The following KAZN variants were observed in gnomAD, a reference collection of about 807,000 sequenced individuals.
The protein encoded by KAZN is kazrin.
In KAZN, 40 loss-of-function variants were observed where a neutral mutation model predicts 87.4. The ratio of observed to expected loss-of-function variants is 0.46; its 90% CI spans 0.36 to 0.60. KAZN has a LOEUF of 0.60. KAZN is among the 20% of genes least tolerant of loss of function. KAZN has a pLI of 0.00. For synonymous variants in KAZN, 466 were observed against 458.3 expected, an observed-to-expected ratio of 1.02 and a Z score of -0.22; for missense variants, 898 against 1,073.9, an observed-to-expected ratio of 0.84 and a Z score of 2.29.
chr1:14,032,344 G>T (rs993222381), intron 1 of KAZN, among the ~76,000 whole-genome samples: 4 of 152,184 alleles, frequency 2.6e-5, no homozygotes, highest in African/African-American at 9.7e-5. Flanking sequence ...GAAAACTGAG[G>T]CATCAGAAGG....
At chr1:14,829,721 T>C (rs567012239) in intron 1 of KAZN, among the ~76,000 whole-genome samples, 2 of 152,324 alleles carry the variant, frequency 1.3e-5, no homozygotes, top group African/African-American at 4.8e-5. Context: ...AAGGTCTTGA[T>C]TGTCAAAGAA....
chr1:14,360,404 G>A (rs1209635541), intron 2 of KAZN, among the ~76,000 whole-genome samples: 1 of 152,076 alleles, frequency 6.6e-6, no homozygotes, highest in Admixed American at 6.5e-5. Flanking sequence ...TTAGCTTGGA[G>A]GAGTTTGTTA....
chr1:14,583,550 G>A (rs966234966), intron 2 of KAZN, among the ~76,000 whole-genome samples: 8 of 152,170 alleles, frequency 5.3e-5, no homozygotes, highest in Admixed American at 1.3e-4. Context: ...GTCCCAAATG[G>A]AGGCAAAGGA....
chr1:15,051,157 A>T (rs1028080420), intron 4 of KAZN, among the ~76,000 whole-genome samples: 1 of 152,234 alleles, frequency 6.6e-6, no homozygotes, highest in Non-Finnish European at 1.5e-5. Flanking sequence ...CCAGAGAAAC[A>T]TTCCCTAGAC....
chr1:14,236,652 G>A (rs914330363), intron 2 of KAZN, among the ~76,000 whole-genome samples: 1 of 152,164 alleles, frequency 6.6e-6, no homozygotes, highest in Non-Finnish European at 1.5e-5. Context: ...GCACAGTGGC[G>A]CATGCCTGTA....
At chr1:14,332,768 C>A (rs1430750773) in intron 2 of KAZN, among the ~76,000 whole-genome samples, 1 of 152,160 alleles carries the variant, frequency 6.6e-6, no homozygotes, top group African/African-American at 2.4e-5. Context: ...GTTTTTACAC[C>A]TGAAGGAGCT....
Position 14,531,516 on chromosome 1 carries a change from G to T in KAZN, c.250-67467G>T, listed in dbSNP as rs139561585. ...CATTTTAACTGGGTCTTGGCTTTGG[G>T]AAGGCTCTCAGGGAGAGGGTGTAGA... On this transcript the variant is annotated intron_variant, in intron 2 of 16. Transcript: ENST00000636203. Among the ~76,000 whole-genome samples, 1,295 of 152,288 alleles carry T rather than the reference G, an allele frequency of 8.5e-3. 12 individuals are homozygous for T. The highest frequency in any genetic ancestry group is 0.013 in the Non-Finnish European group (869 of 68,020).
intron 1 of KAZN, among the ~76,000 whole-genome samples, chr1:14,132,970 A>G (rs1007851484): frequency 6.6e-6 from 1 of 152,132 alleles, no homozygotes; most frequent in African/African-American, 2.4e-5. Flanking sequence ...TAGGTTCATC[A>G]CAGTAAGGAT....
intron 1 of KAZN, among the ~76,000 whole-genome samples, chr1:14,080,036 A>G (rs1290541195): frequency 6.9e-6 from 1 of 145,906 alleles, no homozygotes; most frequent in African/African-American, 2.5e-5. Flanking sequence ...TTCTAATATC[A>G]CATTGGTGAT....
At chr1:14,524,669 G>C (rs78750422) in intron 2 of KAZN, among the ~76,000 whole-genome samples, 2,945 of 152,186 alleles carry the variant, frequency 0.019, 35 homozygotes, top group Non-Finnish European at 0.029. Context: ...TGCTTTCACC[G>C]TTCGACTCCA....
At chr1:14,192,999 G>A (rs1450216948) in intron 2 of KAZN, among the ~76,000 whole-genome samples, 2 of 152,240 alleles carry the variant, frequency 1.3e-5, no homozygotes, top group East Asian at 3.9e-4. Flanking sequence ...TGTGTCAAAA[G>A]AGAGACCAGA....
At chr1:14,354,689 A>ACAC (rs1571373223) in intron 2 of KAZN, among the ~76,000 whole-genome samples, 24 of 80,666 alleles carry the variant, frequency 3.0e-4, no homozygotes, top group Middle Eastern at 8.3e-3. Context: ...CACACACACA[A>ACAC]ACAAACCTGA....
At chr1:14,163,133 C>T (rs748860042) in intron 1 of KAZN, among the ~76,000 whole-genome samples, 21 of 152,106 alleles carry the variant, frequency 1.4e-4, no homozygotes, top group Non-Finnish European at 2.6e-4. Context: ...CAACTTGATT[C>T]TTCCCTCCTC....
chr1:15,047,423 G>A (rs1673687832), intron 4 of KAZN, among the ~76,000 whole-genome samples: 1 of 152,160 alleles, frequency 6.6e-6, no homozygotes, highest in Admixed American at 6.5e-5. Flanking sequence ...AGGAAGTCAG[G>A]GTCCACACGT....
At chr1:14,570,640 C>A (rs940701342) in intron 2 of KAZN, among the ~76,000 whole-genome samples, 1 of 152,148 alleles carries the variant, frequency 6.6e-6, no homozygotes, top group African/African-American at 2.4e-5. Flanking sequence ...AGTTGATGAA[C>A]GTTTGGAATG....
intron 2 of KAZN, among the ~76,000 whole-genome samples, chr1:14,313,808 T>G (rs534126407): frequency 6.6e-6 from 1 of 152,194 alleles, no homozygotes; most frequent in South Asian, 2.1e-4. Flanking sequence ...CAAAGACATA[T>G]AAAATCGGCC....
intron 2 of KAZN, among the ~76,000 whole-genome samples, chr1:14,353,992 T>C (rs1247715652): frequency 4.6e-5 from 7 of 152,130 alleles, no homozygotes; most frequent in Non-Finnish European, 1.0e-4. Flanking sequence ...TAAAACAAGG[T>C]TAGAGGACTT....
chr1:14,611,993 T>G (rs560220016), intron 1 of KAZN, among the ~76,000 whole-genome samples: 13 of 152,308 alleles, frequency 8.5e-5, no homozygotes, highest in African/African-American at 3.1e-4. Flanking sequence ...CAATAAAACT[T>G]TATTTATAAA....
intron 1 of KAZN, among the ~76,000 whole-genome samples, chr1:14,742,999 C>T (rs979463015): frequency 2.6e-5 from 4 of 152,164 alleles, no homozygotes; most frequent in Non-Finnish European, 2.9e-5. Flanking sequence ...TAAGATGTGC[C>T]GCCTTTGAGA....
Sources: allele counts gnomAD v4.1 joint callset (sites outside exome capture counted in the v4.1 genomes callset), GRCh38; gene constraint gnomAD v4.1.1; transcripts MANE v1.5; gene names NCBI Gene and HGNC (gene_info 2026-07-23, HGNC 2026-07-21).